WDR35: variants seen among roughly 807,000 people sequenced by gnomAD.
WDR35 encodes WD repeat-containing protein 35.
Under a neutral mutation model 158.3 loss-of-function variants are expected in WDR35, and 118 were observed. That is an observed-to-expected ratio of 0.75 (90% CI 0.64 to 0.87). WDR35 has a LOEUF of 0.87. WDR35 is among the 40% of genes least tolerant of loss of function. The pLI is 0.00. For synonymous variants in WDR35, 448 were observed against 476.1 expected (o/e 0.94, Z 0.77); for missense variants, 1,263 against 1,405.8 (o/e 0.90, Z 1.62).
intron 16 of WDR35, among the ~76,000 whole-genome samples, chr2:19,944,288 A>T (rs1226590024): frequency 6.6e-6 from 1 of 152,138 alleles, no homozygotes; most frequent in Non-Finnish European, 1.5e-5. Flanking sequence ...AAACAAATTC[A>T]AATTAAAAAA....
At chr2:19,966,388 T>C (rs1343057001) in intron 10 of WDR35, among the ~76,000 whole-genome samples, 1 of 152,232 alleles carries the variant, frequency 6.6e-6, no homozygotes, top group Non-Finnish European at 1.5e-5. Context: ...TTCTTCAGCA[T>C]TTATGCATAG....
intron 2 of WDR35, among the ~76,000 whole-genome samples, chr2:19,984,180 G>C (rs1048658234): frequency 6.6e-6 from 1 of 152,046 alleles, no homozygotes; most frequent in Non-Finnish European, 1.5e-5. Context: ...CATGCTGACA[G>C]TTAAGAACAG....
chr2:19,984,002 C>CATATATATATAT (rs753374553), intron 2 of WDR35, among the ~76,000 whole-genome samples: 2 of 89,926 alleles, frequency 2.2e-5, no homozygotes, highest in African/African-American at 4.7e-5. Context: ...CATTCTAATG[C>CATATATATATAT]ATATATATAT....
intron 16 of WDR35, among the ~76,000 whole-genome samples, chr2:19,942,416 G>A (rs778453913): frequency 6.6e-6 from 1 of 152,106 alleles, no homozygotes; most frequent in Non-Finnish European, 1.5e-5. Flanking sequence ...TTGCCAATAT[G>A]TAAGTGCATG....
At chr2:19,925,135 C>T (rs1670316205) in intron 25 of WDR35, among the ~76,000 whole-genome samples, 1 of 152,210 alleles carries the variant, frequency 6.6e-6, no homozygotes, top group South Asian at 2.1e-4. Context: ...AGCCTTCTGC[C>T]TGGGGAACCC....
chr2:19,967,517 A>G (rs957953076), intron 9 of WDR35, among the ~76,000 whole-genome samples: 1 of 152,084 alleles, frequency 6.6e-6, no homozygotes, highest in African/African-American at 2.4e-5. Flanking sequence ...GAACTTACAC[A>G]CTTACAGCTT....
At chr2:19,915,368 C>A (rs1669957490) in intron 25 of WDR35, among the ~76,000 whole-genome samples, 1 of 150,068 alleles carries the variant, frequency 6.7e-6, no homozygotes. Flanking sequence ...ATTTCATATC[C>A]AAAGCATGAT....
intron 10 of WDR35, among the ~76,000 whole-genome samples, chr2:19,962,859 C>T (rs532092500): frequency 6.6e-6 from 1 of 152,214 alleles, no homozygotes; most frequent in East Asian, 1.9e-4. Context: ...CAAAATACCA[C>T]AAATTGTATT....
In WDR35 at chr2:19,913,655, T is replaced by C. The variant is rs778711310; in HGVS notation, c.3416A>G (p.Tyr1139Cys). Residue 1139 changes from tyrosine (Y) to cysteine (C), a missense_variant, in exon 27 of 27, where the codon TAT (tyrosine) becomes TGT (cysteine). By Grantham distance (194) the Tyr-to-Cys change is radical. Coordinates refer to ENST00000281405, the MANE Select transcript of WDR35 (RefSeq NM_020779.4). The part of the protein sequence containing the change: ...CVATGSPITE[Y>C]QFWMCSVCKH... The stretch of plus-strand genomic sequence containing the variant: ...GCATACACTGCACATCCAGAATTGA[T>C]ACTCAGTGATTGGGCTTCCTGTGGC... The C allele has an allele frequency of 1.2e-6, 2 of 1,614,140 alleles. No individual in the cohort carries two copies. The highest frequency in any genetic ancestry group is 1.7e-6 in the Non-Finnish European group (2 of 1,179,990).
intron 25 of WDR35, among the ~76,000 whole-genome samples, chr2:19,921,115 T>C (rs756664987): frequency 6.6e-6 from 1 of 152,212 alleles, no homozygotes; most frequent in Non-Finnish European, 1.5e-5. Flanking sequence ...TCCATGCTCA[T>C]GGATAGGAAG....
intron 25 of WDR35, among the ~76,000 whole-genome samples, chr2:19,915,933 A>G (rs1344703906): frequency 6.6e-6 from 1 of 151,846 alleles, no homozygotes; most frequent in Admixed American, 6.6e-5. Context: ...AAAAAAAAAA[A>G]AAAAAAAGTT....
chr2:19,983,597 G>T (rs1672458699), intron 2 of WDR35, among the ~76,000 whole-genome samples: 1 of 152,120 alleles, frequency 6.6e-6, no homozygotes, highest in Non-Finnish European at 1.5e-5. Context: ...ATGTTATGAA[G>T]ATCTTAAGAA....
intron 8 of WDR35, among the ~76,000 whole-genome samples, chr2:19,970,876 C>A (rs760714078): frequency 5.3e-5 from 8 of 152,178 alleles, no homozygotes; most frequent in Non-Finnish European, 1.0e-4. Flanking sequence ...ACGAGTCCTG[C>A]CTTCTTCCCC....
intron 2 of WDR35, among the ~76,000 whole-genome samples, chr2:19,987,992 T>C (rs956303633): frequency 5.3e-5 from 8 of 152,024 alleles, no homozygotes; most frequent in African/African-American, 1.7e-4. Flanking sequence ...CACTGACAGA[T>C]TGAACTATAA....
chr2:19,914,222 C>A lies in WDR35; in HGVS notation c.3177G>T (p.Leu1059=). ...TGCTGGCGCATGCGCAGAGTGCTAGCAGAGAGTAGATCTCCACAGGAGGGA... is the reference window on the plus strand; with the variant it reads ...TGCTGGCGCATGCGCAGAGTGCTAGAAGAGAGTAGATCTCCACAGGAGGGA... ...DIIPPVEIYS[L]LALCACASRA... The change falls in exon 26 of 27, where the codon CTG becomes CTT. Residue 1059 remains leucine (L), a synonymous_variant. Transcript: ENST00000281405. The A allele has an allele frequency of 6.2e-7, 1 of 1,614,098 alleles. No homozygotes were observed. The highest frequency in any genetic ancestry group is 8.5e-7 in the Non-Finnish European group (1 of 1,180,002).
At chr2:19,989,347 G>T in intron 1 of WDR35, 65 bp from the exon 2 acceptor site, 1 of 1,362,178 alleles carries the variant, frequency 7.3e-7, no homozygotes, top group Non-Finnish European at 1.1e-6. Context: ...AAGTCTGCAG[G>T]AGATGAAAGC....
intron 1 of WDR35, among the ~76,000 whole-genome samples, chr2:19,989,560 G>T (rs190445967): frequency 2.6e-5 from 4 of 152,176 alleles, no homozygotes; most frequent in South Asian, 4.1e-4. Context: ...GGGAGGACGG[G>T]GAGAGGGTAT....
chr2:19,938,346 C>T lies in WDR35; in HGVS notation c.1982G>A (p.Arg661Gln), dbSNP rs368852161. The change falls in exon 18 of 27, where the codon CGA (arginine) becomes CAA (glutamine). Residue 661 changes from arginine to glutamine, a missense_variant. Transcript: ENST00000281405. Reference protein sequence around the residue: ...YLINFEIRSLRDSRALIEKVG... With the variant: ...YLINFEIRSLQDSRALIEKVG... ...CTTCTCAATCAGTGCTCGGCTATCT[C>T]GCAGAGACCGAATCTCAAAGTTAAT... 18 of 1,613,874 alleles carry T rather than the reference C, an allele frequency of 1.1e-5. No individual in the cohort carries two copies. The highest frequency in any genetic ancestry group is 1.4e-5 in the Non-Finnish European group (16 of 1,180,002).
intron 1 of WDR35, 147 bp downstream of exon 1, chr2:19,989,844 AG>A: frequency 7.5e-7 from 1 of 1,326,816 alleles, no homozygotes. Context: ...AAGAGGTCGG[AG>A]GCTGGACCCG....
Sources: allele counts gnomAD v4.1 joint callset (sites outside exome capture counted in the v4.1 genomes callset), GRCh38; gene constraint gnomAD v4.1.1; transcripts MANE v1.5; gene names NCBI Gene and HGNC (gene_info 2026-07-23, HGNC 2026-07-21).